Variants in SBF2 observed in about 807,000 individuals in gnomAD.
The protein encoded by SBF2 is SET binding factor 2.
A neutral mutation model predicts 225.2 loss-of-function variants in SBF2; 112 were observed. The ratio of observed to expected loss-of-function variants is 0.50; its 90% CI spans 0.43 to 0.58. The LOEUF (loss-of-function observed/expected upper bound fraction) is 0.58, where lower values mean the gene tolerates loss of function less well. Among genes scored for constraint, SBF2 ranks in the 20% least tolerant of loss-of-function variants. The pLI is 0.00. For synonymous variants in SBF2, 763 were observed against 773.3 expected (o/e 0.99, Z 0.22); for missense variants, 1,996 against 2,206.2 (o/e 0.90, Z 1.91).
At chr11:9,946,310 A>G (rs1865559236) in intron 16 of SBF2, among the ~76,000 whole-genome samples, 1 of 152,202 alleles carries the variant, frequency 6.6e-6, no homozygotes, top group Non-Finnish European at 1.5e-5. Context: ...GGCCATTATC[A>G]TACAAAATCT....
intron 8 of SBF2, among the ~76,000 whole-genome samples, 171 bp from the exon 9 acceptor site, chr11:9,998,550 CCAGG>C (rs1947810192): frequency 6.6e-6 from 1 of 152,174 alleles, no homozygotes; most frequent in Admixed American, 6.5e-5. Flanking sequence ...CCTGTATTTC[CCAGG>C]TTCCTTTGAA....
At chr11:10,189,603 G>A (rs901690763) in intron 2 of SBF2, among the ~76,000 whole-genome samples, 1 of 152,086 alleles carries the variant, frequency 6.6e-6, no homozygotes, top group Non-Finnish European at 1.5e-5. Context: ...TGAATTCATA[G>A]GGCAGGTAGT....
chr11:10,039,070 T>C (rs1949553585), intron 3 of SBF2, among the ~76,000 whole-genome samples: 1 of 152,024 alleles, frequency 6.6e-6, no homozygotes, highest in East Asian at 1.9e-4. Flanking sequence ...ACAGTGTTAC[T>C]GTATCTTGGA....
At chr11:9,994,486 A>G (rs1197190667) in intron 9 of SBF2, among the ~76,000 whole-genome samples, 1 of 150,494 alleles carries the variant, frequency 6.6e-6, no homozygotes, top group Non-Finnish European at 1.5e-5. Context: ...AAAAAAAAAA[A>G]AGAAAAGAAA....
intron 28 of SBF2, among the ~76,000 whole-genome samples, chr11:9,822,817 C>G (rs1006414861): frequency 1.3e-5 from 2 of 151,974 alleles, no homozygotes; most frequent in African/African-American, 4.8e-5. Flanking sequence ...TTATACCTGG[C>G]CCAGTGCATG....
Position 9,779,110 on chromosome 11 carries a change from G to T in SBF2, c.*1308C>A, listed in dbSNP as rs970293887. The T allele has an allele frequency of 1.3e-5, 2 of 152,482 alleles. No individual in the cohort carries two copies. Among genetic ancestry groups the T allele is most frequent in the African/African-American group, 4.8e-5 (2 of 41,400 alleles). 9.4% of individuals were successfully genotyped at this position (152,482 alleles called of 1,614,324 possible). A position where few individuals can be genotyped will look rare whatever the true frequency, so the allele number is the denominator to read the frequency against. On this transcript the variant is annotated 3_prime_UTR_variant, in exon 40 of 40. Transcript: ENST00000256190. ...CTAGTGTGTGGACAATTTTAAATTT[G>T]AAATTCTGATTTATTTTTAATCTAC...
intron 1 of SBF2, among the ~76,000 whole-genome samples, chr11:10,235,200 T>C (rs1031435986): frequency 2.6e-5 from 4 of 152,208 alleles, no homozygotes; most frequent in Non-Finnish European, 4.4e-5. Flanking sequence ...TACATCTAAT[T>C]ATACTTCCTT....
intron 32 of SBF2, among the ~76,000 whole-genome samples, chr11:9,798,379 A>AG (rs1590108519): frequency 6.6e-6 from 1 of 151,996 alleles, no homozygotes; most frequent in African/African-American, 2.4e-5. Flanking sequence ...AGTGATGGAG[A>AG]GGGGGGTTAC....
At chr11:9,781,378 T>A in intron 39 of SBF2, 129 bp downstream of exon 39, 1 of 1,222,872 alleles carries the variant, frequency 8.2e-7, no homozygotes, top group Non-Finnish European at 1.2e-6. Flanking sequence ...CTGGAACAAT[T>A]CCCATAGCCA....
chr11:9,946,465 T>G (rs1865570145), intron 16 of SBF2, among the ~76,000 whole-genome samples: 1 of 151,818 alleles, frequency 6.6e-6, no homozygotes, highest in Non-Finnish European at 1.5e-5. Flanking sequence ...TTTTTTTTTT[T>G]TTGAGATGGA....
Position 9,829,437 on chromosome 11 carries a change from A to G in SBF2, c.3712T>C (p.Leu1238=). 1 of 1,613,748 alleles carries G rather than the reference A, an allele frequency of 6.2e-7. No homozygotes were observed. The highest frequency in any genetic ancestry group is 8.5e-7 in the Non-Finnish European group (1 of 1,179,612). Residue 1238 remains leucine (L), a synonymous_variant, in exon 28 of 40, where the codon TTA becomes CTA. Coordinates refer to ENST00000256190, the MANE Select transcript of SBF2 (RefSeq NM_030962.4). ...SIEQEKYLQA[L]LNAVSVHQKL... ...TGATGGACAGAAACAGCATTCAGTA[A>G]GGCTTGCAAGTATTTCTCTTGTTCT... is the stretch of plus-strand genomic sequence containing the variant.
chr11:9,884,789 A>G (rs11823620), intron 17 of SBF2, among the ~76,000 whole-genome samples: 2,277 of 152,326 alleles, frequency 0.015, 47 homozygotes, highest in African/African-American at 0.051. Context: ...TCTGGGCTAA[A>G]TTAGTCACTC....
intron 17 of SBF2, among the ~76,000 whole-genome samples, chr11:9,874,451 G>A (rs1324953568): frequency 6.6e-6 from 1 of 152,064 alleles, no homozygotes; most frequent in East Asian, 1.9e-4. Flanking sequence ...CTATAAACAA[G>A]AAAATCAATA....
rs907068268 is a variant in SBF2, at chr11:10,128,325, C to T, written c.141+65577G>A. On this transcript the variant is annotated intron_variant, in intron 2 of 39. Coordinates refer to ENST00000256190, the MANE Select transcript of SBF2 (RefSeq NM_030962.4). ...CACAGAAGTTGGGAGAAGTATACTG[C>T]GCACAAATTTGGCATTCAAATAACT... 5.9e-5 allele frequency among the ~76,000 whole-genome samples: 9 copies of T among 152,112 alleles called. No individual in the cohort carries two copies. The South Asian group carries it at 6.2e-4, about 11-fold the overall frequency.
At chr11:9,899,312 A>C (rs1466402180) in intron 16 of SBF2, among the ~76,000 whole-genome samples, 1 of 147,710 alleles carries the variant, frequency 6.8e-6, no homozygotes, top group African/African-American at 2.5e-5. Context: ...TGGGCAATAT[A>C]GGGTGACTCT....
chr11:10,159,092 C>T (rs1223819032), intron 2 of SBF2, among the ~76,000 whole-genome samples: 3 of 150,284 alleles, frequency 2.0e-5, no homozygotes, highest in Non-Finnish European at 4.5e-5. Flanking sequence ...CAGAGACAAG[C>T]AATTATGAAA....
rs74578546 is a variant in SBF2 at position 9,829,121 on chromosome 11, A to T, written c.3793+235T>A. Among the ~76,000 whole-genome samples the T allele has an allele frequency of 8.7e-3, 1,319 of 152,316 alleles. 15 individuals carry two copies. Among genetic ancestry groups the T allele is most frequent in the African/African-American group, 0.03 (1,247 of 41,546 alleles). The stretch of plus-strand genomic sequence containing the variant: ...GAGACCCCATCTCTTAAAAAAAAGA[A>T]AATAAAACAAAAAAGAAAAAACTGA... On this transcript the variant is annotated intron_variant, in intron 28 of 39. Transcript: ENST00000256190.
At chr11:9,808,809 A>G in intron 31 of SBF2, 92 bp downstream of exon 31, 2 of 924,622 alleles carry the variant, frequency 2.2e-6, no homozygotes. Flanking sequence ...TAAACACATT[A>G]GTCATTATAC....
intron 1 of SBF2, among the ~76,000 whole-genome samples, chr11:10,221,894 A>G (rs1394937617): frequency 6.6e-6 from 1 of 152,192 alleles, no homozygotes; most frequent in African/African-American, 2.4e-5. Flanking sequence ...CTGTTTTACT[A>G]TCTTGAAGAA....
Sources: allele counts gnomAD v4.1 joint callset (sites outside exome capture counted in the v4.1 genomes callset), GRCh38; gene constraint gnomAD v4.1.1; transcripts MANE v1.5; gene names NCBI Gene and HGNC (gene_info 2026-07-23, HGNC 2026-07-21).